PLXNA2: variants seen among roughly 807,000 people sequenced by gnomAD.
The protein encoded by PLXNA2 is plexin-A2.
A neutral mutation model predicts 193.5 loss-of-function variants in PLXNA2; 91 were observed. The ratio of observed to expected loss-of-function variants is 0.47; its 90% CI spans 0.40 to 0.56. The LOEUF (loss-of-function observed/expected upper bound fraction) is 0.56. Ranked by LOEUF, PLXNA2 falls within the 20% of genes least tolerant of loss-of-function variation. PLXNA2 has a pLI of 0.00. For synonymous variants in PLXNA2, 997 were observed against 1,027.3 expected (o/e 0.97, Z 0.56); for missense variants, 1,995 against 2,503.2 (o/e 0.80, Z 4.33).
At position 208,026,566 on chromosome 1, in the gene PLXNA2, CG is replaced by C. The variant is rs1217142263; in HGVS notation, c.*676del. The C allele has an allele frequency of 6.6e-6, 1 of 151,898 alleles. No individual in the cohort carries two copies. Among genetic ancestry groups the C allele is most frequent in the Non-Finnish European group, 1.5e-5 (1 of 68,026 alleles). 9.4% of individuals were successfully genotyped at this position (151,898 alleles called of 1,614,324 possible). ...GGAAGTTCCATACTCCTCTGGCTGC[CG>C]GGATAATTCCAGGTTTTACTGGCCT... On this transcript the variant is annotated 3_prime_UTR_variant, in exon 32 of 32. Coordinates refer to ENST00000367033, the MANE Select transcript of PLXNA2 (RefSeq NM_025179.4).
At chr1:208,216,549 CAT>C (rs1225652734) in intron 2 of PLXNA2, among the ~76,000 whole-genome samples, 184 bp downstream of exon 2, 1 of 152,248 alleles carries the variant, frequency 6.6e-6, no homozygotes, top group African/African-American at 2.4e-5. Context: ...AATCAACACA[CAT>C]ATCTCAAGTA....
chr1:208,227,183 C>T (rs1473409469), intron 1 of PLXNA2, among the ~76,000 whole-genome samples: 1 of 152,180 alleles, frequency 6.6e-6, no homozygotes, highest in African/African-American at 2.4e-5. Context: ...AGACCTCATA[C>T]TCTAATGACC....
intron 3 of PLXNA2, among the ~76,000 whole-genome samples, chr1:208,208,415 C>G (rs942769282): frequency 1.3e-5 from 2 of 152,234 alleles, no homozygotes; most frequent in Admixed American, 1.3e-4. Flanking sequence ...TTCTCTGGAC[C>G]TCAGTTTCCC....
At chr1:208,150,959 G>A (rs2102497238) in intron 3 of PLXNA2, among the ~76,000 whole-genome samples, 1 of 152,324 alleles carries the variant, frequency 6.6e-6, no homozygotes, top group East Asian at 1.9e-4. Flanking sequence ...CAGGAACACG[G>A]GGCTCAGGCC....
chr1:208,030,623 G>A, intron 29 of PLXNA2: 1 of 985,398 alleles, frequency 1.0e-6, no homozygotes, highest in Admixed American at 6.1e-5. Context: ...GGCTGGGGTT[G>A]GCTTTTTCCA....
In PLXNA2 at chr1:208,028,365, C is replaced by T. The variant is rs573556359; in HGVS notation, c.5439-206G>A. ...GTTTCTTCAGTAGATTCCATCTAGCCGAGAGCTCGTGGCTGCGGTGCCCAA... is the reference window on the plus strand; with the variant it reads ...GTTTCTTCAGTAGATTCCATCTAGCTGAGAGCTCGTGGCTGCGGTGCCCAA... On this transcript the variant is annotated intron_variant, in intron 30 of 31. Coordinates refer to ENST00000367033, the MANE Select transcript of PLXNA2 (RefSeq NM_025179.4). The surrounding 1 kb of genome is among the most constrained non-coding windows in gnomAD (Gnocchi z 4.2). Among the ~76,000 whole-genome samples, 44 of 152,266 alleles carry T rather than the reference C, an allele frequency of 2.9e-4. No individual in the cohort carries two copies. Among genetic ancestry groups the T allele is most frequent in the African/African-American group, 5.3e-4 (22 of 41,544 alleles).
At chr1:208,220,112 C>T (rs1034424004) in intron 1 of PLXNA2, among the ~76,000 whole-genome samples, 4 of 152,022 alleles carry the variant, frequency 2.6e-5, no homozygotes, top group African/African-American at 9.7e-5. Flanking sequence ...TGAGGAGCCG[C>T]GAGGGGAGGA....
chr1:208,206,893 A>T (rs988860748), intron 3 of PLXNA2, among the ~76,000 whole-genome samples: 1 of 148,270 alleles, frequency 6.7e-6, no homozygotes, highest in African/African-American at 2.5e-5. Flanking sequence ...CCTCCTGAGT[A>T]GCTGGGATTA....
intron 4 of PLXNA2, among the ~76,000 whole-genome samples, chr1:208,132,664 C>CT (rs1323718468): frequency 6.6e-6 from 1 of 152,064 alleles, no homozygotes; most frequent in African/African-American, 2.4e-5. Context: ...GGTGGTTAAG[C>CT]TTTTTTTAGG....
At chr1:208,138,669 G>C (rs558060564) in intron 4 of PLXNA2, among the ~76,000 whole-genome samples, 9 of 152,358 alleles carry the variant, frequency 5.9e-5, no homozygotes, top group African/African-American at 2.2e-4. Flanking sequence ...CGGATCCCTT[G>C]AGCCCAAGAG....
chr1:208,039,774 G>A lies in PLXNA2; in HGVS notation c.4354-7C>T. 6.2e-7 allele frequency: 1 copy of A among 1,614,028 alleles called. No individual in the cohort carries two copies. Among genetic ancestry groups the A allele is most frequent in the African/African-American group, 1.3e-5 (1 of 75,044 alleles). The stretch of plus-strand genomic sequence containing the variant: ...GTGGCTCCCCTGCGCACTCCTGTGG[G>A]CACAGACAGGGCAGGAGGTGTGGGC... On this transcript the variant is annotated splice_region_variant and splice_polypyrimidine_tract_variant and intron_variant, in intron 23 of 31. Transcript: ENST00000367033.
intron 3 of PLXNA2, among the ~76,000 whole-genome samples, chr1:208,186,419 A>T (rs1669999794): frequency 6.6e-6 from 1 of 152,220 alleles, no homozygotes; most frequent in Non-Finnish European, 1.5e-5. Context: ...CAAAAAAACA[A>T]ACAAACGGAA....
chr1:208,073,757 G>T (rs1666045517), intron 12 of PLXNA2, among the ~76,000 whole-genome samples: 1 of 150,274 alleles, frequency 6.7e-6, no homozygotes, highest in Non-Finnish European at 1.5e-5. Context: ...ATATGACAGG[G>T]TCTTTATTTA....
intron 3 of PLXNA2, among the ~76,000 whole-genome samples, chr1:208,168,373 A>C (rs1428686161): frequency 2.0e-5 from 3 of 152,214 alleles, no homozygotes; most frequent in Non-Finnish European, 4.4e-5. Flanking sequence ...AGGGCACTAG[A>C]ATGCAACAGG....
chr1:208,180,106 T>C (rs1295446339), intron 3 of PLXNA2, among the ~76,000 whole-genome samples: 2 of 151,696 alleles, frequency 1.3e-5, no homozygotes. Flanking sequence ...TGTGAACATG[T>C]GCTTGGGTTG....
At chr1:208,052,194 G>T in intron 15 of PLXNA2, 133 bp downstream of exon 15, 1 of 794,176 alleles carries the variant, frequency 1.3e-6, no homozygotes, top group Non-Finnish European at 2.0e-6. Context: ...TGACCGGTAT[G>T]GTATTTGGGT....
At chr1:208,215,955 G>A (rs561891755) in intron 2 of PLXNA2, among the ~76,000 whole-genome samples, 61 of 152,250 alleles carry the variant, frequency 4.0e-4, no homozygotes, top group African/African-American at 1.4e-3. Flanking sequence ...TTCTTCTCCA[G>A]TTTTCCATCA....
chr1:208,148,331 T>G (rs990839217), intron 3 of PLXNA2, among the ~76,000 whole-genome samples: 15 of 152,136 alleles, frequency 9.9e-5, no homozygotes, highest in African/African-American at 3.4e-4. Context: ...ATCTTCTTCT[T>G]GGGTTTCTTA....
chr1:208,144,399 C>T (rs939664020), intron 3 of PLXNA2, among the ~76,000 whole-genome samples: 1 of 152,196 alleles, frequency 6.6e-6, no homozygotes, highest in Non-Finnish European at 1.5e-5. Flanking sequence ...GGAGCTTGAA[C>T]CAGGGCTTGG....
Sources: allele counts gnomAD v4.1 joint callset (sites outside exome capture counted in the v4.1 genomes callset), GRCh38; gene constraint gnomAD v4.1.1; non-coding constraint Gnocchi (gnomAD v3.1); transcripts MANE v1.5; gene names NCBI Gene and HGNC (gene_info 2026-07-23, HGNC 2026-07-21).